The following RP1 variants were observed in gnomAD, a reference collection of about 807,000 sequenced individuals.
RP1 encodes oxygen-regulated protein 1.
RP1 carries 16 observed loss-of-function variants against 14.8 expected under a neutral mutation model. The observed-to-expected ratio is 1.08, with a 90% CI of 0.73 to 1.65. The LOEUF (loss-of-function observed/expected upper bound fraction) is 1.65. RP1 is among the 40% of genes most tolerant of loss of function. The pLI, the probability that RP1 is intolerant of heterozygous loss-of-function variation, is 0.00. For missense variants in RP1, 2,631 were observed against 2,535.0 expected (o/e 1.04, Z -0.81); for synonymous variants, 876 against 883.6 (o/e 0.99, Z 0.15).
chr8:54,691,151 A>G (rs924163815), intron 12 of RP1, among the ~76,000 whole-genome samples: 2 of 152,096 alleles, frequency 1.3e-5, no homozygotes, highest in South Asian at 2.1e-4. Flanking sequence ...ATATGGAGGA[A>G]GATTAGAAAA....
intron 1 of RP1, among the ~76,000 whole-genome samples, chr8:54,601,688 A>G (rs140145821): frequency 2.6e-5 from 4 of 152,304 alleles, no homozygotes; most frequent in Non-Finnish European, 5.9e-5. Flanking sequence ...CAAACTGGAA[A>G]CAACCTAAAT....
In RP1 at chr8:54,625,770, C is replaced by T. The variant is rs753226529; in HGVS notation, c.1888C>T (p.Pro630Ser). 3 of 1,613,614 alleles carry T rather than the reference C, an allele frequency of 1.9e-6. No individual in the cohort carries two copies. Among genetic ancestry groups the T allele is most frequent in the Non-Finnish European group, 2.5e-6 (3 of 1,179,982 alleles). Reference sequence around the variant, plus strand: ...AACTGACAAAAATATTTCTGAGGCTCCAGCTTCAGAAGCATCCTCTACTGT... The same window carrying T: ...AACTGACAAAAATATTTCTGAGGCTTCAGCTTCAGAAGCATCCTCTACTGT... ...SGTDKNISEAPASEASSTVTA... is the reference protein window; with the variant it reads ...SGTDKNISEASASEASSTVTA... Residue 630 changes from proline (P) to serine (S), a missense_variant, in exon 4 of 4, where the codon CCA becomes TCA. Coordinates refer to ENST00000220676, the MANE Select transcript of RP1 (RefSeq NM_006269.2).
rs1806217280 is a variant in RP1, at chr8:54,630,261, A to C, written c.6379A>C (p.Met2127Leu). 6.2e-7 allele frequency: 1 copy of C among 1,613,710 alleles called. No individual in the cohort carries two copies. Among genetic ancestry groups the C allele is most frequent in the Middle Eastern group, 1.7e-4 (1 of 6,058 alleles). The change falls in exon 4 of 4, where the codon ATG becomes CTG. Residue 2127 changes from methionine (M) to leucine (L), a missense_variant. Physicochemically the swap from Met to Leu is conservative, Grantham distance 15. Coordinates refer to ENST00000220676, the MANE Select transcript of RP1 (RefSeq NM_006269.2). ...ISNRNILELC[M>L]FEGENLFIWE... ...CAACAGAAATATTTTAGAACTTTGT[A>C]TGTTTGAGGGTGAAAATCTTTTCAT...
At chr8:54,767,757 A>T (rs1809795901) in intron 22 of RP1, among the ~76,000 whole-genome samples, 1 of 152,210 alleles carries the variant, frequency 6.6e-6, no homozygotes, top group South Asian at 2.1e-4. Context: ...AAGATGGGAT[A>T]CATAAACCAA....
At chr8:54,795,105 A>G (rs1810550103) in intron 24 of RP1, among the ~76,000 whole-genome samples, 1 of 151,994 alleles carries the variant, frequency 6.6e-6, no homozygotes, top group Non-Finnish European at 1.5e-5. Context: ...TTTTGGTGAG[A>G]ATGTGGAGAA....
chr8:54,607,369 A>C (rs989231599), intron 1 of RP1, among the ~76,000 whole-genome samples: 1 of 152,190 alleles, frequency 6.6e-6, no homozygotes, highest in Admixed American at 6.5e-5. Flanking sequence ...GATATTGGTG[A>C]ACAGCAAATG....
upstream of RP1, among the ~76,000 whole-genome samples, chr8:54,614,852 A>T (rs416104): frequency 0.71 from 108,446 of 151,998 alleles, 38,864 homozygotes; most frequent in Middle Eastern, 0.82. Flanking sequence ...TGGCAGAAAT[A>T]CTTTCAGTGT....
chr8:54,641,190 C>G (rs1806447946), intron 3 of RP1, among the ~76,000 whole-genome samples: 1 of 152,044 alleles, frequency 6.6e-6, no homozygotes, highest in Admixed American at 6.6e-5. Context: ...TGTGATCTGC[C>G]CTCCTCAGCC....
intron 12 of RP1, among the ~76,000 whole-genome samples, chr8:54,698,668 G>T (rs964524838): frequency 6.6e-6 from 1 of 152,246 alleles, no homozygotes; most frequent in Admixed American, 6.5e-5. Context: ...ACTGGATAAA[G>T]AAAATGTGGC....
At chr8:54,820,821 A>T (rs561236418) in intron 24 of RP1, among the ~76,000 whole-genome samples, 2 of 152,044 alleles carry the variant, frequency 1.3e-5, no homozygotes, top group Admixed American at 6.6e-5. Context: ...AGAGGGGAGG[A>T]TCGCTGCGGG....
At chr8:54,592,835 AG>A (rs1201921355) in intron 1 of RP1, among the ~76,000 whole-genome samples, 1 of 152,218 alleles carries the variant, frequency 6.6e-6, no homozygotes, top group East Asian at 1.9e-4. Flanking sequence ...CTAGGCAGGA[AG>A]GGGGAAAATG....
chr8:54,568,118 A>G (rs1408444601), intron 1 of RP1, among the ~76,000 whole-genome samples: 2 of 152,140 alleles, frequency 1.3e-5, no homozygotes, highest in Non-Finnish European at 2.9e-5. Flanking sequence ...CAGCTATTCA[A>G]CCATTCTAGA....
intron 12 of RP1, among the ~76,000 whole-genome samples, chr8:54,685,584 C>T (rs896675991): frequency 6.6e-6 from 1 of 152,068 alleles, no homozygotes; most frequent in Non-Finnish European, 1.5e-5. Context: ...ATAGGGCTGT[C>T]CATCCTTCCT....
chr8:54,868,938 T>G (rs1221254212), intron 28 of RP1, among the ~76,000 whole-genome samples: 1 of 152,172 alleles, frequency 6.6e-6, no homozygotes, highest in Non-Finnish European at 1.5e-5. Flanking sequence ...CTAAGATTTC[T>G]GCACCCATCT....
At chr8:54,697,196 A>G in intron 12 of RP1, 2 of 712,574 alleles carry the variant, frequency 2.8e-6, no homozygotes. Context: ...TTTTGGGGGA[A>G]TTTTTATCCA....
Position 54,625,444 on chromosome 8 carries a change from A to G in RP1, c.1562A>G (p.Asn521Ser). 1.2e-6 allele frequency: 2 copies of G among 1,613,990 alleles called. No individual in the cohort carries two copies. Among genetic ancestry groups the G allele is most frequent in the Non-Finnish European group, 1.7e-6 (2 of 1,180,006 alleles). ...AACAAACCAGTACTTGTTCAGATCA[A>G]TAACAATGATCAAATGGAGGAGTCA... ...VSNKPVLVQI[N>S]NNDQMEESSL... Residue 521 changes from asparagine to serine, a missense_variant, in exon 4 of 4, where the codon AAT (asparagine) becomes AGT (serine). Transcript: ENST00000220676.
chr8:54,864,227 C>G (rs556358111), intron 27 of RP1, among the ~76,000 whole-genome samples: 7 of 151,728 alleles, frequency 4.6e-5, no homozygotes, highest in African/African-American at 1.7e-4. Flanking sequence ...ACGAAGGTGT[C>G]GATAAAAACT....
At chr8:54,615,632 A>G (rs993279465), upstream of RP1, among the ~76,000 whole-genome samples, 19 of 152,228 alleles carry the variant, frequency 1.2e-4, no homozygotes, top group African/African-American at 4.6e-4. Flanking sequence ...CAAATTGTGT[A>G]CGTTCACAGT....
chr8:54,837,638 C>A, exon 25 of RP1: 1 of 1,231,856 alleles, frequency 8.1e-7, no homozygotes, highest in South Asian at 4.1e-5. Flanking sequence ...AGGAAATACC[C>A]ATCATGGGAC....
Sources: allele counts gnomAD v4.1 joint callset (sites outside exome capture counted in the v4.1 genomes callset), GRCh38; gene constraint gnomAD v4.1.1; transcripts MANE v1.5; gene names NCBI Gene and HGNC (gene_info 2026-07-23, HGNC 2026-07-21).